Variants in EPM2A observed in about 807,000 individuals in gnomAD.
EPM2A encodes laforin.
In EPM2A, 21 loss-of-function variants were observed where a neutral mutation model predicts 26.5. That is an observed-to-expected ratio of 0.79 (90% CI 0.56 to 1.14). The LOEUF (loss-of-function observed/expected upper bound fraction) is 1.14, where lower values mean the gene tolerates loss of function less well. Among genes scored for constraint, EPM2A ranks in the 50% most tolerant of loss-of-function variants. The probability of loss-of-function intolerance (pLI) is 0.00; values close to 1 mark genes in which losing one functional copy is unlikely to be tolerated. For synonymous variants in EPM2A, 217 were observed against 177.6 expected, an observed-to-expected ratio of 1.22 and a Z score of -1.76; for missense variants, 458 against 440.8, an observed-to-expected ratio of 1.04 and a Z score of -0.35.
intron 4 of EPM2A, among the ~76,000 whole-genome samples, chr6:145,392,645 G>T (rs1239620352): frequency 1.3e-5 from 2 of 152,010 alleles, no homozygotes; most frequent in Non-Finnish European, 2.9e-5. Flanking sequence ...AACTGATCTT[G>T]TGACTATTAT....
intron 2 of EPM2A, among the ~76,000 whole-genome samples, chr6:145,583,297 A>G (rs1479474839): frequency 6.6e-6 from 1 of 152,144 alleles, no homozygotes; most frequent in African/African-American, 2.4e-5. Flanking sequence ...ATGTTCCCTC[A>G]GTCTTCAAAG....
intron 4 of EPM2A, among the ~76,000 whole-genome samples, chr6:145,408,683 T>A (rs1778601949): frequency 6.6e-6 from 1 of 152,178 alleles, no homozygotes; most frequent in African/African-American, 2.4e-5. Flanking sequence ...GACAATGTGG[T>A]ACTGTCTTAG....
At chr6:145,663,009 G>C (rs1035152701) in intron 2 of EPM2A, among the ~76,000 whole-genome samples, 1 of 152,036 alleles carries the variant, frequency 6.6e-6, no homozygotes, top group Non-Finnish European at 1.5e-5. Flanking sequence ...ATGGGTCTGA[G>C]CTTCGAGATT....
intron 4 of EPM2A, among the ~76,000 whole-genome samples, chr6:145,486,182 C>A (rs367671203): frequency 2.0e-5 from 3 of 152,098 alleles, no homozygotes; most frequent in Non-Finnish European, 4.4e-5. Flanking sequence ...GAGGGGTTGC[C>A]CCAAAAGGTA....
At chr6:145,723,979 G>A (rs186818830) in intron 1 of EPM2A, among the ~76,000 whole-genome samples, 12 of 152,210 alleles carry the variant, frequency 7.9e-5, no homozygotes, top group African/African-American at 2.6e-4. Flanking sequence ...CAGACAACTT[G>A]CAGAGCTTAC....
At chr6:145,682,398 A>C (rs1024361720) in intron 2 of EPM2A, 1 of 152,156 alleles carries the variant, frequency 6.6e-6, no homozygotes, top group African/African-American at 2.4e-5. Context: ...CCATATCGCT[A>C]TTCTTCTTAC....
At chr6:145,396,573 T>C (rs2114662592) in intron 4 of EPM2A, among the ~76,000 whole-genome samples, 1 of 83,768 alleles carries the variant, frequency 1.2e-5, no homozygotes, top group African/African-American at 3.4e-5. Context: ...AACTTTGCAA[T>C]GTCTGCCTTC....
At chr6:145,394,879 A>C (rs1359426591) in intron 4 of EPM2A, among the ~76,000 whole-genome samples, 1 of 152,170 alleles carries the variant, frequency 6.6e-6, no homozygotes, top group Non-Finnish European at 1.5e-5. Flanking sequence ...AAATCTTATG[A>C]GTCGACTTAT....
At chr6:145,479,802 T>G (rs565485149) in intron 4 of EPM2A, among the ~76,000 whole-genome samples, 3 of 152,154 alleles carry the variant, frequency 2.0e-5, no homozygotes, top group African/African-American at 7.2e-5. Context: ...CATATGACAA[T>G]CCCATGTTTA....
downstream of EPM2A, among the ~76,000 whole-genome samples, chr6:145,620,339 C>G (rs1354439719): frequency 6.6e-6 from 1 of 152,110 alleles, no homozygotes. Context: ...GCTGATCTGA[C>G]AGGAGGCAGA....
At chr6:145,513,869 G>A (rs1780088161) in intron 2 of EPM2A, among the ~76,000 whole-genome samples, 1 of 152,170 alleles carries the variant, frequency 6.6e-6, no homozygotes. Flanking sequence ...AGAATAGGAT[G>A]GTCTGTGCTG....
intron 2 of EPM2A, among the ~76,000 whole-genome samples, chr6:145,555,261 C>T (rs1181832002): frequency 3.3e-5 from 5 of 152,010 alleles, no homozygotes; most frequent in Admixed American, 2.6e-4. Flanking sequence ...TGCTCCTCTC[C>T]CTGGTAACCC....
intron 4 of EPM2A, among the ~76,000 whole-genome samples, chr6:145,444,263 AG>A (rs1457440832): frequency 8.5e-5 from 13 of 152,242 alleles, no homozygotes; most frequent in Non-Finnish European, 1.5e-4. Context: ...CATTATTTTG[AG>A]GTATGTTCCT....
rs1775682950 is a variant in EPM2A, at chr6:145,717,266, A to C, written c.301+17932T>G. ...CAGCAGCACATCAAAAAGCTTATCC[A>C]CCATGATCAAGTGGCCTTCATCCCT... On this transcript the variant is annotated intron_variant, in intron 1 of 3. Transcript: ENST00000367519. 1.3e-5 allele frequency among the ~76,000 whole-genome samples: 2 copies of C among 152,200 alleles called. 1 individual carries two copies. The highest frequency in any genetic ancestry group is 4.1e-4 in the South Asian group (2 of 4,832).
At chr6:145,485,973 C>T (rs1779666386) in intron 4 of EPM2A, among the ~76,000 whole-genome samples, 1 of 152,166 alleles carries the variant, frequency 6.6e-6, no homozygotes, top group Admixed American at 6.5e-5. Flanking sequence ...TTATCTCCCA[C>T]CAGGTCCCTC....
At chr6:145,421,768 T>C (rs1034306414) in intron 4 of EPM2A, among the ~76,000 whole-genome samples, 7 of 151,836 alleles carry the variant, frequency 4.6e-5, no homozygotes, top group South Asian at 2.1e-4. Flanking sequence ...CTATAAGAGA[T>C]ATATTTTAAG....
intron 2 of EPM2A, chr6:145,639,713 G>A (rs1239460077): frequency 1.3e-5 from 2 of 152,086 alleles, no homozygotes; most frequent in African/African-American, 4.8e-5. Flanking sequence ...ATAATTCCTA[G>A]AGTGAGAAAT....
chr6:145,683,461 AG>A (rs563363685), intron 2 of EPM2A, among the ~76,000 whole-genome samples: 32 of 151,810 alleles, frequency 2.1e-4, no homozygotes, highest in Non-Finnish European at 4.0e-4. Context: ...AGTGGATAAC[AG>A]GTTGAATTAC....
At chr6:145,551,201 C>A (rs1005311952) in intron 2 of EPM2A, among the ~76,000 whole-genome samples, 5 of 151,888 alleles carry the variant, frequency 3.3e-5, no homozygotes, top group Admixed American at 3.3e-4. Context: ...AAAATGTTTT[C>A]CTAGGAATCA....
Sources: gnomAD v4.1 joint callset for allele counts (sites outside exome capture counted in the v4.1 genomes callset) on GRCh38, gnomAD v4.1.1 for gene constraint, MANE v1.5 for transcripts, NCBI Gene and HGNC (gene_info 2026-07-23, HGNC 2026-07-21) for gene names.